The following MTA1 variants were observed in gnomAD, a reference collection of about 807,000 sequenced individuals.
MTA1 encodes the protein metastasis associated 1.
A neutral mutation model predicts 97.0 loss-of-function variants in MTA1; 15 were observed. The ratio of observed to expected loss-of-function variants is 0.15; its 90% CI spans 0.10 to 0.24. MTA1 has a LOEUF of 0.24. Ranked by LOEUF, MTA1 falls within the 10% of genes least tolerant of loss-of-function variation. MTA1 has a pLI of 1.00. For synonymous variants in MTA1, 435 were observed against 417.5 expected, an observed-to-expected ratio of 1.04 and a Z score of -0.51; for missense variants, 709 against 1,015.1, an observed-to-expected ratio of 0.70 and a Z score of 4.10.
chr14:105,445,697 G>A (rs963131960), intron 3 of MTA1, 186 bp downstream of exon 3: 9 of 718,142 alleles, frequency 1.3e-5, no homozygotes, highest in Middle Eastern at 2.3e-4. Flanking sequence ...CCGTTTCCTC[G>A]GGGGCTGGGT....
At chr14:105,459,161 GGTCCCTA>G (rs1387826720) in intron 8 of MTA1, among the ~76,000 whole-genome samples, 1 of 19,548 alleles carries the variant, frequency 5.1e-5, no homozygotes, top group Non-Finnish European at 2.1e-4. Context: ...CCTGGTCCCT[GGTCCCTA>G]GGGAGCTGTG....
At chr14:105,427,538 C>T (rs1241358365) in intron 1 of MTA1, among the ~76,000 whole-genome samples, 3 of 152,078 alleles carry the variant, frequency 2.0e-5, no homozygotes, top group South Asian at 2.1e-4. Context: ...TTGACAGAAA[C>T]GTAAAATAAG....
At chr14:105,437,511 A>G (rs1257787271) in intron 1 of MTA1, among the ~76,000 whole-genome samples, 1 of 151,698 alleles carries the variant, frequency 6.6e-6, no homozygotes, top group Non-Finnish European at 1.5e-5. Context: ...GTGCGTCCTC[A>G]CTGGCGTGTC....
Position 105,470,093 on chromosome 14 carries a change from G to C in MTA1, c.2026G>C (p.Glu676Gln). The change falls in exon 21 of 21, where the codon GAA becomes CAA. Residue 676 changes from glutamate (E) to glutamine (Q), a missense_variant. Physicochemically the swap from Glu to Gln is conservative, Grantham distance 29. Around this residue, in one of 2 missense-constraint regions of MTA1, gnomAD observed 388 missense variants for 421.6 expected, o/e 0.92. Coordinates refer to ENST00000331320, the MANE Select transcript of MTA1 (RefSeq NM_004689.4). ...RKIRKLLSSS[E>Q]TKRAARRPYK... The stretch of plus-strand genomic sequence containing the variant: ...GATCCGCAAGCTGCTCTCATCCTCG[G>C]AAACCAAGCGTGCTGCCCGCCGGCC... The C allele has an allele frequency of 6.2e-7, 1 of 1,612,596 alleles. No individual in the cohort carries two copies. The highest frequency in any genetic ancestry group is 8.5e-7 in the Non-Finnish European group (1 of 1,179,856).
chr14:105,426,914 C>T (rs2082031365), intron 1 of MTA1, among the ~76,000 whole-genome samples: 1 of 152,208 alleles, frequency 6.6e-6, no homozygotes, highest in Admixed American at 6.5e-5. Context: ...TGCTGTTTCT[C>T]TTGACTCTGT....
At chr14:105,467,442 C>G in intron 18 of MTA1, 1 of 455,916 alleles carries the variant, frequency 2.2e-6, no homozygotes, top group South Asian at 1.5e-5. Flanking sequence ...GTAGTGGCTG[C>G]CCAGCCCAGC....
chr14:105,437,365 G>T (rs1005352143), intron 1 of MTA1, among the ~76,000 whole-genome samples: 2 of 151,968 alleles, frequency 1.3e-5, no homozygotes, highest in African/African-American at 4.8e-5. Context: ...CTGCAGGTGC[G>T]TCCTCAGGGG....
Position 105,463,471 on chromosome 14 carries a change from T to C in MTA1, c.1018-22T>C. The C allele has an allele frequency of 6.2e-7, 1 of 1,613,094 alleles. No individual in the cohort carries two copies. Among genetic ancestry groups the C allele is most frequent in the Non-Finnish European group, 8.5e-7 (1 of 1,179,860 alleles). Reference sequence around the variant, plus strand: ...AACCTGGGCCTAGCCTGCTGACCTCTGACCTTCTCTTTTGTTTTAAGAAAC... The same window carrying C: ...AACCTGGGCCTAGCCTGCTGACCTCCGACCTTCTCTTTTGTTTTAAGAAAC... On this transcript the variant is annotated intron_variant, in intron 11 of 20. Coordinates refer to ENST00000331320, the MANE Select transcript of MTA1 (RefSeq NM_004689.4). The surrounding 1 kb of genome is among the most constrained non-coding windows in gnomAD (Gnocchi z 5.9).
intron 2 of MTA1, among the ~76,000 whole-genome samples, chr14:105,442,398 G>A (rs782456671): frequency 2.6e-5 from 4 of 152,242 alleles, no homozygotes; most frequent in Non-Finnish European, 4.4e-5. Flanking sequence ...CCTGGTGCAG[G>A]CAGCAAGCAG....
intron 2 of MTA1, 128 bp downstream of exon 2, chr14:105,438,867 C>T (rs2082409689): frequency 1.2e-6 from 1 of 859,392 alleles, no homozygotes; most frequent in Admixed American, 2.2e-5. Flanking sequence ...CTGCACAGGC[C>T]CTTCAGTGAC....
At chr14:105,447,921 C>T (rs1555427602) in intron 3 of MTA1, among the ~76,000 whole-genome samples, 1 of 152,178 alleles carries the variant, frequency 6.6e-6, no homozygotes, top group African/African-American at 2.4e-5. Flanking sequence ...GGTGTGAGGA[C>T]ACTCTGGGAG....
Position 105,463,738 on chromosome 14 carries a change from C to T in MTA1, c.1076+187C>T, listed in dbSNP as rs587700228. 4.6e-5 allele frequency: 29 copies of T among 633,984 alleles called. No individual in the cohort carries two copies. Among genetic ancestry groups the T allele is most frequent in the African/African-American group, 3.9e-4 (21 of 54,500 alleles). 39.3% of individuals were successfully genotyped at this position (633,984 alleles called of 1,614,324 possible). A position where few individuals can be genotyped will look rare whatever the true frequency, so the allele number is the denominator to read the frequency against. Reference sequence around the variant, plus strand: ...GCAGACGCAGTGGCCATGTCTCTGTCGTCCTGGCCTCCTGGTCAGTAAGGG... The same window carrying T: ...GCAGACGCAGTGGCCATGTCTCTGTTGTCCTGGCCTCCTGGTCAGTAAGGG... On this transcript the variant is annotated intron_variant, in intron 12 of 20. Transcript: ENST00000331320. This position sits in a 1 kb window ranked among gnomAD's most constrained non-coding sequence, Gnocchi z 5.9.
At chr14:105,441,897 A>T (rs1203555080) in intron 2 of MTA1, among the ~76,000 whole-genome samples, 1 of 152,200 alleles carries the variant, frequency 6.6e-6, no homozygotes, top group Admixed American at 6.5e-5. Flanking sequence ...TGAGAAATGG[A>T]TGGGATCCAT....
At position 105,464,022 on chromosome 14, in the gene MTA1, C is replaced by G; in HGVS notation, c.1077-10C>G. The G allele has an allele frequency of 6.2e-7, 1 of 1,612,266 alleles. No homozygotes were observed. Reference sequence around the variant, plus strand: ...TGCAACTCCTCTCGTCTCTCCTTTCCCTCTTTAAGTAACAAGCCAAATCCG... The same window carrying G: ...TGCAACTCCTCTCGTCTCTCCTTTCGCTCTTTAAGTAACAAGCCAAATCCG... On this transcript the variant is annotated splice_polypyrimidine_tract_variant and intron_variant, in intron 12 of 20. Coordinates refer to ENST00000331320, the MANE Select transcript of MTA1 (RefSeq NM_004689.4).
intron 7 of MTA1, 175 bp downstream of exon 7, chr14:105,454,485 G>A (rs1313850950): frequency 1.3e-5 from 7 of 541,528 alleles, no homozygotes; most frequent in African/African-American, 1.1e-4. Context: ...CTGGTGTCCC[G>A]GAGCCTTCCC....
rs1159472099 is a variant in MTA1 at position 105,424,934 on chromosome 14, G to T, written c.28+4871G>T. 6.6e-6 allele frequency among the ~76,000 whole-genome samples: 1 copy of T among 152,212 alleles called. No homozygotes were observed. Among genetic ancestry groups the T allele is most frequent in the Admixed American group, 6.5e-5 (1 of 15,286 alleles). On this transcript the variant is annotated intron_variant, in intron 1 of 20. Transcript: ENST00000331320. The surrounding 1 kb of genome is among the most constrained non-coding windows in gnomAD (Gnocchi z 4.0). ...GACCCGCCCTGGCAGTGCCGTTCCC[G>T]CCCGTGTGTGTGGGTTCTGGGTGTC... is the stretch of plus-strand genomic sequence containing the variant.
chr14:105,468,248 G>A (rs2083679150), intron 18 of MTA1: 1 of 1,251,462 alleles, frequency 8.0e-7, no homozygotes, highest in East Asian at 5.6e-5. Context: ...CTGTTGCGCT[G>A]TCCCCACCTG....
At position 105,449,348 on chromosome 14, in the gene MTA1, C is replaced by G. The variant is rs782281239; in HGVS notation, c.191-11C>G. The G allele has an allele frequency of 1.2e-6, 2 of 1,611,586 alleles. No individual in the cohort carries two copies. Among genetic ancestry groups the G allele is most frequent in the African/African-American group, 2.7e-5 (2 of 74,884 alleles). Reference sequence around the variant, plus strand: ...GACCGTGCTGCCGGGTGCTGTCTGTCTGTTATATAGCCCTGTCAGTCTGCT... The same window carrying G: ...GACCGTGCTGCCGGGTGCTGTCTGTGTGTTATATAGCCCTGTCAGTCTGCT... On this transcript the variant is annotated splice_polypyrimidine_tract_variant and intron_variant, in intron 3 of 20. Coordinates refer to ENST00000331320, the MANE Select transcript of MTA1 (RefSeq NM_004689.4).
chr14:105,423,453 G>A (rs1212259495), intron 1 of MTA1, among the ~76,000 whole-genome samples: 16 of 152,142 alleles, frequency 1.1e-4, no homozygotes, highest in Admixed American at 9.2e-4. Flanking sequence ...CTGACCTCAA[G>A]TGATCCACCC....
Sources: gnomAD v4.1 joint callset for allele counts (sites outside exome capture counted in the v4.1 genomes callset) on GRCh38, gnomAD v4.1.1 for gene constraint, gnomAD v4.1.1 regional missense constraint, Gnocchi (gnomAD v3.1) non-coding constraint, MANE v1.5 for transcripts, NCBI Gene and HGNC (gene_info 2026-07-23, HGNC 2026-07-21) for gene names.